RAB5A: variants seen among roughly 807,000 people sequenced by gnomAD.
The protein encoded by RAB5A is RAB5A, member RAS oncogene family.
RAB5A carries 8 observed loss-of-function variants against 25.7 expected under a neutral mutation model. The ratio of observed to expected loss-of-function variants is 0.31; its 90% CI spans 0.18 to 0.56. The LOEUF is 0.56. Ranked by LOEUF, RAB5A falls within the 20% of genes least tolerant of loss-of-function variation. The probability of loss-of-function intolerance (pLI) is 0.91; values close to 1 mark genes in which losing one functional copy is unlikely to be tolerated. For synonymous variants in RAB5A, 98 were observed against 89.8 expected (o/e 1.09, Z -0.52); for missense variants, 192 against 259.7 (o/e 0.74, Z 1.79).
At chr3:19,950,644 C>G (rs1174800599) in intron 1 of RAB5A, among the ~76,000 whole-genome samples, 162 bp from the exon 2 acceptor site, 1 of 152,068 alleles carries the variant, frequency 6.6e-6, no homozygotes, top group East Asian at 1.9e-4. Context: ...GGACTCACAT[C>G]CTATACCTTT....
chr3:19,968,705 C>G (rs1696694568), intron 2 of RAB5A, among the ~76,000 whole-genome samples: 1 of 152,210 alleles, frequency 6.6e-6, no homozygotes, highest in South Asian at 2.1e-4. Flanking sequence ...AAGTGATCCT[C>G]CTGCCTCAGC....
chr3:19,952,552 T>A (rs1473572854), intron 2 of RAB5A, among the ~76,000 whole-genome samples: 3 of 152,254 alleles, frequency 2.0e-5, no homozygotes, highest in Non-Finnish European at 4.4e-5. Context: ...TTCATAATCT[T>A]AGACCCATTC....
At chr3:19,955,368 T>C (rs1001638674) in intron 2 of RAB5A, among the ~76,000 whole-genome samples, 12 of 152,330 alleles carry the variant, frequency 7.9e-5, no homozygotes, top group African/African-American at 2.9e-4. Flanking sequence ...TCAAAGAGCG[T>C]TCCCACTTCC....
chr3:19,972,956 T>TA, intron 2 of RAB5A, among the ~76,000 whole-genome samples: 1 of 152,232 alleles, frequency 6.6e-6, no homozygotes, highest in Admixed American at 6.5e-5. Flanking sequence ...TTGAAAATAT[T>TA]AAGGGGGAAA....
At chr3:19,951,142 TATGA>T (rs1310921731) in intron 2 of RAB5A, 81 bp downstream of exon 2, 3 of 1,478,894 alleles carry the variant, frequency 2.0e-6, no homozygotes, top group Non-Finnish European at 2.8e-6. Flanking sequence ...ATTGTGTGAT[TATGA>T]ATAGCTAAAT....
intron 2 of RAB5A, among the ~76,000 whole-genome samples, chr3:19,951,701 G>GTTTTTTTCT (rs1553638046): frequency 1.0e-5 from 1 of 99,014 alleles, no homozygotes; most frequent in Non-Finnish European, 2.0e-5. Context: ...TGCCAGGCAA[G>GTTTTTTTCT]TTTTTTTTTT....
At chr3:19,964,475 G>C (rs1475407944) in intron 2 of RAB5A, among the ~76,000 whole-genome samples, 2 of 152,166 alleles carry the variant, frequency 1.3e-5, no homozygotes, top group Admixed American at 1.3e-4. Flanking sequence ...CTAATCTGGT[G>C]AGCAGAGACT....
Position 19,947,341 on chromosome 3 carries a change from G to T in RAB5A, c.-274G>T. The T allele has an allele frequency of 5.3e-6, 1 of 187,002 alleles. No homozygotes were observed. The highest frequency in any genetic ancestry group is 9.4e-5 in the South Asian group (1 of 10,648). The allele number at this position is 187,002 out of a possible 1,614,324, so 11.6% of individuals were successfully genotyped here. A position where few individuals can be genotyped will look rare whatever the true frequency, so the allele number is the denominator to read the frequency against. On this transcript the variant is annotated 5_prime_UTR_variant, in exon 1 of 6. Transcript: ENST00000273047. ...GCGGCGAGAGGCGGAGACGGAGCCC[G>T]ACAGGGGCGGCACCACGGCACGAGC...
intron 2 of RAB5A, among the ~76,000 whole-genome samples, chr3:19,963,029 A>G (rs1347392211): frequency 6.6e-6 from 1 of 152,106 alleles, no homozygotes; most frequent in Admixed American, 6.6e-5. Flanking sequence ...GGGTAGTCTC[A>G]AACTCCTGGC....
intron 2 of RAB5A, among the ~76,000 whole-genome samples, chr3:19,962,296 G>C (rs910507743): frequency 2.6e-5 from 4 of 152,150 alleles, no homozygotes; most frequent in South Asian, 4.1e-4. Flanking sequence ...CAGGCTGGGC[G>C]TGGTGGCTCA....
At chr3:19,971,295 A>G (rs1696748128) in intron 2 of RAB5A, among the ~76,000 whole-genome samples, 1 of 151,540 alleles carries the variant, frequency 6.6e-6, no homozygotes, top group Admixed American at 6.6e-5. Flanking sequence ...TCAAGAGTTT[A>G]TTATAGTGGG....
rs386396075 is a variant in RAB5A, at chr3:19,969,045, G to GTTTTTTTTTTTTTTTTTTTTTTTTTTTT, written c.164-6540_164-6539insTTTTTTTTTTTTTTTTTTTTTTTTTTTT. Among the ~76,000 whole-genome samples the GTTTTTTTTTTTTTTTTTTTTTTTTTTTT allele has an allele frequency of 2.9e-5, 3 of 103,448 alleles. 1 individual carries two copies. The highest frequency in any genetic ancestry group is 5.2e-5 in the Non-Finnish European group (3 of 57,548). 67.9% of individuals were successfully genotyped at this position (103,448 alleles called of 152,430 possible). A position where few individuals can be genotyped will look rare whatever the true frequency, so the allele number is the denominator to read the frequency against. ...TTTTGGTTTTGGTTTTTTTTTTTTG[G>GTTTTTTTTTTTTTTTTTTTTTTTTTTTT]TTTTTTTTTTTTTTTTGAGATGGAG... On this transcript the variant is annotated intron_variant, in intron 2 of 5. Coordinates refer to ENST00000273047, the MANE Select transcript of RAB5A (RefSeq NM_004162.5).
At chr3:19,965,873 C>T (rs570532654) in intron 2 of RAB5A, among the ~76,000 whole-genome samples, 1 of 152,086 alleles carries the variant, frequency 6.6e-6, no homozygotes, top group South Asian at 2.1e-4. Context: ...GCTGGGACTA[C>T]AGGTGCACGC....
At chr3:19,968,039 C>T (rs1696685214) in intron 2 of RAB5A, among the ~76,000 whole-genome samples, 3 of 152,118 alleles carry the variant, frequency 2.0e-5, no homozygotes, top group Non-Finnish European at 2.9e-5. Context: ...CTCATTTTCC[C>T]AGTGAACCAA....
chr3:19,967,016 C>T (rs1049291002), intron 2 of RAB5A, among the ~76,000 whole-genome samples: 2 of 152,162 alleles, frequency 1.3e-5, no homozygotes, highest in African/African-American at 2.4e-5. Context: ...AGATCTTGAA[C>T]GCCTGCTTAA....
rs1697006023 is a variant in RAB5A at position 19,985,028 on chromosome 3, A to G, written c.*1205A>G. 9.9e-6 allele frequency: 2 copies of G among 202,944 alleles called. No individual in the cohort carries two copies. The highest frequency in any genetic ancestry group is 2.0e-5 in the Non-Finnish European group (2 of 101,424). The allele number at this position is 202,944 out of a possible 1,614,324, so 12.6% of individuals were successfully genotyped here. The stretch of plus-strand genomic sequence containing the variant: ...GTATTTTCATTATATGAAAGCTACC[A>G]TGTGTCAGAGATGATTTAATCTATT... On this transcript the variant is annotated 3_prime_UTR_variant, in exon 6 of 6. Transcript: ENST00000273047.
At chr3:19,951,118 A>C in intron 2 of RAB5A, 57 bp downstream of exon 2, 2 of 1,567,090 alleles carry the variant, frequency 1.3e-6, no homozygotes, top group Non-Finnish European at 8.7e-7. Context: ...GACAGAAAAT[A>C]TTTTGATGTT....
At chr3:19,952,078 G>A (rs964960709) in intron 2 of RAB5A, among the ~76,000 whole-genome samples, 25 of 152,160 alleles carry the variant, frequency 1.6e-4, no homozygotes, top group African/African-American at 5.8e-4. Context: ...GCTGGACATG[G>A]TGGTGCATTC....
In RAB5A at chr3:19,951,701, GTT is replaced by G. The variant is rs61250458; in HGVS notation, c.163+657_163+658del. Among the ~76,000 whole-genome samples the G allele has an allele frequency of 5.1e-4, 50 of 98,974 alleles. 1 individual carries two copies. The highest frequency in any genetic ancestry group is 7.2e-4 in the East Asian group (3 of 4,142). The allele number at this position is 98,974 out of a possible 152,430, so 64.9% of individuals were successfully genotyped here. On this transcript the variant is annotated intron_variant, in intron 2 of 5. Coordinates refer to ENST00000273047, the MANE Select transcript of RAB5A (RefSeq NM_004162.5). Reference sequence around the variant, plus strand: ...GGGTGCATGCCACCATGCCAGGCAAGTTTTTTTTTTTTTTTTTTAAGAGTCAG... The same window carrying G: ...GGGTGCATGCCACCATGCCAGGCAAGTTTTTTTTTTTTTTTTAAGAGTCAG...
Sources: allele counts gnomAD v4.1 joint callset (sites outside exome capture counted in the v4.1 genomes callset), GRCh38; gene constraint gnomAD v4.1.1; transcripts MANE v1.5; gene names NCBI Gene and HGNC (gene_info 2026-07-23, HGNC 2026-07-21).